The following BSPH1 variants were observed in gnomAD, a reference collection of about 807,000 sequenced individuals.
The protein encoded by BSPH1 is binder of sperm 1.
Under a neutral mutation model 22.5 loss-of-function variants are expected in BSPH1, and 21 were observed. The observed-to-expected ratio is 0.93, with a 90% confidence interval of 0.66 to 1.35. BSPH1 has a LOEUF of 1.35. BSPH1 is among the 40% of genes most tolerant of loss of function. The pLI, the probability that BSPH1 is intolerant of heterozygous loss-of-function variation, is 0.00. For missense variants in BSPH1, 141 were observed against 154.2 expected (o/e 0.91, Z 0.45); for synonymous variants, 42 against 53.6 (o/e 0.78, Z 0.95).
chr19:47,991,478 TTC>T (rs1193993130), intron 1 of BSPH1, among the ~76,000 whole-genome samples: 1 of 97,534 alleles, frequency 1.0e-5, no homozygotes. Flanking sequence ...TTCCTCCTCC[TTC>T]TTCTTCTCTT....
chr19:47,975,399 T>G (rs1969352121), intron 5 of BSPH1, among the ~76,000 whole-genome samples: 1 of 152,188 alleles, frequency 6.6e-6, no homozygotes, highest in Admixed American at 6.5e-5. Context: ...CTCTTTGGAC[T>G]TAGCCAGCTC....
At chr19:47,988,566 C>T (rs780160880) in intron 1 of BSPH1, among the ~76,000 whole-genome samples, 2 of 151,922 alleles carry the variant, frequency 1.3e-5, no homozygotes, top group Non-Finnish European at 2.9e-5. Flanking sequence ...TGCATGAGAG[C>T]TCTTAGCCAT....
chr19:47,987,847 A>G (rs1258250864), intron 1 of BSPH1, among the ~76,000 whole-genome samples: 1 of 152,044 alleles, frequency 6.6e-6, no homozygotes, highest in Non-Finnish European at 1.5e-5. Context: ...CAAAAAAATT[A>G]GCTGGGCATG....
chr19:47,976,397 G>C (rs368643188), intron 5 of BSPH1, among the ~76,000 whole-genome samples: 4 of 152,018 alleles, frequency 2.6e-5, no homozygotes, highest in Non-Finnish European at 5.9e-5. Flanking sequence ...CTCCCAAAGC[G>C]CTGGGATTAT....
At chr19:47,991,560 A>AACC (rs1966873601) in intron 1 of BSPH1, among the ~76,000 whole-genome samples, 1 of 64,178 alleles carries the variant, frequency 1.6e-5, no homozygotes, top group Non-Finnish European at 2.8e-5. Flanking sequence ...CCTCCCGGTC[A>AACC]TCCTCCTCCT....
intron 1 of BSPH1, among the ~76,000 whole-genome samples, chr19:47,986,674 G>A (rs927701982): frequency 7.2e-5 from 11 of 151,904 alleles, no homozygotes; most frequent in Admixed American, 2.0e-4. Flanking sequence ...GAGCCTGGGA[G>A]GTCAAGACTG....
chr19:47,968,681 T>TAAAAAAAAAAAA (rs71181616), intron 5 of BSPH1, among the ~76,000 whole-genome samples: 1 of 92,218 alleles, frequency 1.1e-5, no homozygotes, highest in Admixed American at 1.5e-4. Flanking sequence ...GACCCTGTCT[T>TAAAAAAAAAAAA]AAAAAAAAAA....
In BSPH1 at chr19:47,976,972, T is replaced by TGTGCACACATACAC. The variant is rs2122245427; in HGVS notation, c.257-132_257-119dup. 4 of 953,080 alleles carry TGTGCACACATACAC rather than the reference T, an allele frequency of 4.2e-6. No homozygotes were observed. The East Asian group carries it at 7.9e-5, about 19-fold the overall frequency. The allele number at this position is 953,080 out of a possible 1,614,324, so 59.0% of individuals were successfully genotyped here. ...ACACATGTGCATGCACGTGAACAAA[T>TGTGCACACATACAC]GTGCACACATACACATGCACACTCA... On this transcript the variant is annotated intron_variant, in intron 4 of 5. Transcript: ENST00000344839.
intron 1 of BSPH1, chr19:47,981,614 G>A (rs1428438351): frequency 1.1e-5 from 3 of 271,718 alleles, no homozygotes; most frequent in African/African-American, 6.9e-5. Context: ...TCAGTAGGAA[G>A]TAACGGCCCA....
In BSPH1 at chr19:47,976,597, CA is replaced by C. The variant is rs1162262236; in HGVS notation, c.*2+112del. 35 of 314,258 alleles carry C rather than the reference CA, an allele frequency of 1.1e-4. 1 individual carries two copies. The highest frequency in any genetic ancestry group is 6.9e-4 in the Middle Eastern group (1 of 1,456). The allele number at this position is 314,258 out of a possible 1,614,324, so 19.5% of individuals were successfully genotyped here. On this transcript the variant is annotated intron_variant, in intron 5 of 5. Coordinates refer to ENST00000344839, the MANE Select transcript of BSPH1 (RefSeq NM_001128326.2). ...TCACATCCCAGAAAAAAAAAAAAAA[CA>C]AAAAAAAACCCTCTCTAATGAGAAA...
At chr19:47,980,477 C>CTTT (rs11363158) in intron 2 of BSPH1, 19 of 204,464 alleles carry the variant, frequency 9.3e-5, no homozygotes, top group East Asian at 2.1e-4. Flanking sequence ...CTTCTTCTTT[C>CTTT]TTTTTTTTTT....
rs1180935149 is a variant in BSPH1, at chr19:47,968,166, A to G, written c.*46T>C. Reference sequence around the variant, plus strand: ...AAGATTATTACTGCTGGATGCATCGATCATGTTTTGTCTGTATCTGATAGC... The same window carrying G: ...AAGATTATTACTGCTGGATGCATCGGTCATGTTTTGTCTGTATCTGATAGC... On this transcript the variant is annotated 3_prime_UTR_variant, in exon 6 of 6. Coordinates refer to ENST00000344839, the MANE Select transcript of BSPH1 (RefSeq NM_001128326.2). 6.6e-6 allele frequency: 1 copy of G among 152,206 alleles called. No homozygotes were observed. The highest frequency in any genetic ancestry group is 1.9e-4 in the East Asian group (1 of 5,190). The allele number at this position is 152,206 out of a possible 1,614,324, so 9.4% of individuals were successfully genotyped here.
chr19:47,980,332 G>T (rs923316652), intron 2 of BSPH1: 10 of 233,680 alleles, frequency 4.3e-5, no homozygotes, highest in Non-Finnish European at 5.6e-5. Flanking sequence ...ATTTTTAGGT[G>T]GCAAAAGGCA....
At chr19:47,979,112 C>A (rs1184108639) in intron 3 of BSPH1, among the ~76,000 whole-genome samples, 1 of 151,960 alleles carries the variant, frequency 6.6e-6, no homozygotes, top group African/African-American at 2.4e-5. Context: ...TTCTTCTTTT[C>A]TTCTCTCCTC....
chr19:47,974,316 C>T (rs188577161), intron 5 of BSPH1, among the ~76,000 whole-genome samples: 1 of 143,400 alleles, frequency 7.0e-6, no homozygotes, highest in Non-Finnish European at 1.5e-5. Context: ...GTCACCCAGG[C>T]TGGAGTGCAA....
intron 1 of BSPH1, among the ~76,000 whole-genome samples, chr19:47,984,483 A>G (rs1234670622): frequency 2.6e-5 from 4 of 152,062 alleles, no homozygotes; most frequent in South Asian, 2.1e-4. Flanking sequence ...TATAATATAT[A>G]AGGTTTTAAA....
intron 5 of BSPH1, among the ~76,000 whole-genome samples, chr19:47,974,678 C>A (rs969921203): frequency 6.6e-6 from 1 of 151,988 alleles, no homozygotes; most frequent in African/African-American, 2.4e-5. Flanking sequence ...TGCTCTCCCA[C>A]GCTCTCAATT....
At chr19:47,981,812 C>A in intron 1 of BSPH1, 1 of 799,918 alleles carries the variant, frequency 1.3e-6, no homozygotes, top group Non-Finnish European at 1.5e-6. Context: ...AACCATTGTT[C>A]CTTCATGAGC....
At chr19:47,967,503 G>T (rs1226240398), downstream of BSPH1, among the ~76,000 whole-genome samples, 3 of 152,150 alleles carry the variant, frequency 2.0e-5, no homozygotes, top group Admixed American at 2.0e-4. Context: ...TGACATCAAG[G>T]TTGGTTTCCT....
Sources: allele counts gnomAD v4.1 joint callset (sites outside exome capture counted in the v4.1 genomes callset), GRCh38; gene constraint gnomAD v4.1.1; transcripts MANE v1.5; gene names NCBI Gene and HGNC (gene_info 2026-07-23, HGNC 2026-07-21).